Variants in GNAS observed in about 807,000 individuals in gnomAD.
The protein encoded by GNAS is protein ALEX.
In GNAS, 8 loss-of-function variants were observed where a neutral mutation model predicts 54.5. That is an observed-to-expected ratio of 0.15 (90% CI 0.09 to 0.26). The LOEUF is 0.26. GNAS is among the 10% of genes least tolerant of loss of function. The pLI is 1.00. For synonymous variants in GNAS, 204 were observed against 191.4 expected (o/e 1.07, Z -0.54); for missense variants, 170 against 529.8 (o/e 0.32, Z 6.67).
At position 58,911,078 on chromosome 20, in the gene GNAS, TAAATA is replaced by T. The variant is rs753755849; in HGVS notation, c.*253_*257del. 1.6e-6 allele frequency: 1 copy of T among 644,988 alleles called. No individual in the cohort carries two copies. Among genetic ancestry groups the T allele is most frequent in the South Asian group, 1.5e-5 (1 of 64,930 alleles). The allele number at this position is 644,988 out of a possible 1,614,324, so 40.0% of individuals were successfully genotyped here. On this transcript the variant is annotated 3_prime_UTR_variant, in exon 13 of 13. Transcript: ENST00000371085. ...AGTTCCCTCTCACTTTCAGTAAAAATAAATAAAACAGCAGCAGCAAACAAATAAAA... is the reference window on the plus strand; with the variant it reads ...AGTTCCCTCTCACTTTCAGTAAAAATAAACAGCAGCAGCAAACAAATAAAA...
At chr20:58,845,316 C>G (rs1388940839) in intron 1 of GNAS, among the ~76,000 whole-genome samples, 2 of 152,112 alleles carry the variant, frequency 1.3e-5, no homozygotes, top group East Asian at 3.9e-4. Flanking sequence ...TTTTCTCAAC[C>G]TTTGTTTTTT....
In GNAS at chr20:58,910,866, CAATT is replaced by C. The variant is rs1212258982; in HGVS notation, c.*44_*47del. On this transcript the variant is annotated 3_prime_UTR_variant, in exon 13 of 13. Transcript: ENST00000371085. The surrounding 1 kb of genome is among the most constrained non-coding windows in gnomAD (Gnocchi z 5.8). The stretch of plus-strand genomic sequence containing the variant: ...CCAAATTTAATTAAAGCCTTAAGCA[CAATT>C]AATTAAAAGTGAAACGTAATTGTAC... 2.5e-6 allele frequency: 4 copies of C among 1,593,222 alleles called. No homozygotes were observed. The highest frequency in any genetic ancestry group is 2.7e-5 in the African/African-American group (2 of 74,680).
At chr20:58,889,055 C>G, upstream of GNAS, 1 of 1,011,448 alleles carries the variant, frequency 9.9e-7, no homozygotes, top group South Asian at 3.2e-5. Context: ...GGGTGCGTCC[C>G]CGGTGGGCCG....
intron 1 of GNAS, among the ~76,000 whole-genome samples, chr20:58,850,211 T>A (rs76190170): frequency 0.035 from 5,374 of 152,254 alleles, 128 homozygotes; most frequent in African/African-American, 0.061. Flanking sequence ...CAGCAAGACT[T>A]TCAAGGTCCC....
intron 1 of GNAS, among the ~76,000 whole-genome samples, chr20:58,865,143 C>T (rs1332876758): frequency 6.6e-6 from 1 of 151,950 alleles, no homozygotes; most frequent in Admixed American, 6.6e-5. Flanking sequence ...TGGGGCTGGG[C>T]GCGGTGGCTC....
Position 58,910,598 on chromosome 20 carries a change from G to A in GNAS, c.1039-85G>A. On this transcript the variant is annotated intron_variant, in intron 12 of 12. Transcript: ENST00000371085. This position sits in a 1 kb window ranked among gnomAD's most constrained non-coding sequence, Gnocchi z 5.8. The stretch of plus-strand genomic sequence containing the variant: ...ATATGACATCAGAGGCTGGCTGACA[G>A]CCGTCCCTGGTAGGTGTCCCCATCA... 5 of 1,501,320 alleles carry A rather than the reference G, an allele frequency of 3.3e-6. No individual in the cohort carries two copies. Among genetic ancestry groups the A allele is most frequent in the Non-Finnish European group, 4.6e-6 (5 of 1,080,352 alleles). The allele number at this position is 1,501,320 out of a possible 1,614,324, so 93.0% of individuals were successfully genotyped here.
intron 3 of GNAS, among the ~76,000 whole-genome samples, chr20:58,899,740 C>T (rs1601078300): frequency 6.6e-6 from 1 of 152,144 alleles, no homozygotes. Flanking sequence ...CGCGCACACA[C>T]ACACGCATGC....
rs1244489529 is a variant in GNAS, at chr20:58,891,687, CGCCGCA to C, written c.-36_-31del. 2.0e-6 allele frequency: 2 copies of C among 977,420 alleles called. No homozygotes were observed. Among genetic ancestry groups the C allele is most frequent in the Middle Eastern group, 5.3e-4 (1 of 1,884 alleles). The allele number at this position is 977,420 out of a possible 1,614,324, so 60.5% of individuals were successfully genotyped here. ...GCGTGAGGCCGCCCGCGCCCGCCGC[CGCCGCA>C]GCCCGGCCGCGCCCCGCCGCCGCCG... On this transcript the variant is annotated 5_prime_UTR_variant, in exon 1 of 13. Coordinates refer to ENST00000371085, the MANE Select transcript of GNAS (RefSeq NM_000516.7).
chr20:58,886,540 T>C (rs1365750671), upstream of GNAS, among the ~76,000 whole-genome samples: 1 of 152,190 alleles, frequency 6.6e-6, no homozygotes, highest in Non-Finnish European at 1.5e-5. Context: ...CCAAGAGTTA[T>C]GCCAATAGAT....
chr20:58,865,924 C>T (rs761034904), intron 1 of GNAS, among the ~76,000 whole-genome samples: 37 of 152,144 alleles, frequency 2.4e-4, no homozygotes, highest in Non-Finnish European at 4.4e-4. Context: ...ACATCTTCCA[C>T]TTAGGGTTTC....
chr20:58,841,578 G>C lies in GNAS; in HGVS notation c.43+692G>C. On this transcript the variant is annotated intron_variant, in intron 1 of 12. Transcript: ENST00000306090. This position sits in a 1 kb window ranked among gnomAD's most constrained non-coding sequence, Gnocchi z 5.0. ...CCACAGCCCGCCTCCCGTCGCTCGCGGGACAGAGACCGCCTCAAAGAGCGT... is the reference window on the plus strand; with the variant it reads ...CCACAGCCCGCCTCCCGTCGCTCGCCGGACAGAGACCGCCTCAAAGAGCGT... 1 of 1,007,842 alleles carries C rather than the reference G, an allele frequency of 9.9e-7. No individual in the cohort carries two copies. Among genetic ancestry groups the C allele is most frequent in the Non-Finnish European group, 1.2e-6 (1 of 845,228 alleles). The allele number at this position is 1,007,842 out of a possible 1,614,324, so 62.4% of individuals were successfully genotyped here. A position where few individuals can be genotyped will look rare whatever the true frequency, so the allele number is the denominator to read the frequency against.
chr20:58,909,278 T>G lies in GNAS; in HGVS notation c.585+62T>G, dbSNP rs980868458. On this transcript the variant is annotated intron_variant, in intron 7 of 12. Coordinates refer to ENST00000371085, the MANE Select transcript of GNAS (RefSeq NM_000516.7). This position sits in a 1 kb window ranked among gnomAD's most constrained non-coding sequence, Gnocchi z 7.3. Reference sequence around the variant, plus strand: ...CCTCTTTCCAAACTACTCCAGACCTTTGCTTTAGATTGGCAATTATTACTG... The same window carrying G: ...CCTCTTTCCAAACTACTCCAGACCTGTGCTTTAGATTGGCAATTATTACTG... 3 of 1,585,786 alleles carry G rather than the reference T, an allele frequency of 1.9e-6. No individual in the cohort carries two copies. In the African/African-American group the frequency reaches 4.0e-5, roughly 21 times the overall value.
chr20:58,908,845 A>C lies in GNAS; in HGVS notation c.531-317A>C, dbSNP rs572223560. Reference sequence around the variant, plus strand: ...ATAGAAAAAATAAAAATAAACACGAAGAACAAAGCCCCACCACCGTGCTGT... The same window carrying C: ...ATAGAAAAAATAAAAATAAACACGACGAACAAAGCCCCACCACCGTGCTGT... On this transcript the variant is annotated intron_variant, in intron 6 of 12. Transcript: ENST00000371085. 11 of 406,750 alleles carry C rather than the reference A, an allele frequency of 2.7e-5. No individual in the cohort carries two copies. The East Asian group carries it at 5.0e-4, about 18-fold the overall frequency. The allele number at this position is 406,750 out of a possible 1,614,324, so 25.2% of individuals were successfully genotyped here. A position where few individuals can be genotyped will look rare whatever the true frequency, so the allele number is the denominator to read the frequency against.
At position 58,904,873 on chromosome 20, in the gene GNAS, C is replaced by T. The variant is rs2090937232; in HGVS notation, c.433-510C>T. 1.3e-5 allele frequency among the ~76,000 whole-genome samples: 2 copies of T among 152,060 alleles called. 1 individual carries two copies. Among genetic ancestry groups the T allele is most frequent in the Admixed American group, 1.3e-4 (2 of 15,274 alleles). On this transcript the variant is annotated intron_variant, in intron 5 of 12. Transcript: ENST00000371085. ...GCAGCCTATTAAAAATGTATCAGAA[C>T]AATAACTTTTTATTAGTCCTACTAA...
intron 2 of GNAS, 86 bp downstream of exon 2, chr20:58,895,770 G>A: frequency 1.2e-6 from 1 of 841,026 alleles, no homozygotes; most frequent in Non-Finnish European, 2.1e-6. Flanking sequence ...GGGCTTTGGG[G>A]GCTGGGCAGC....
intron 3 of GNAS, 52 bp downstream of exon 3, chr20:58,899,037 A>AG: frequency 7.1e-7 from 1 of 1,400,916 alleles, no homozygotes; most frequent in Admixed American, 1.7e-5. Flanking sequence ...ACAAACATGA[A>AG]GATCATACTG....
chr20:58,875,145 AG>A (rs1242181017), intron 1 of GNAS, among the ~76,000 whole-genome samples: 1 of 152,192 alleles, frequency 6.6e-6, no homozygotes, highest in Admixed American at 6.5e-5. Flanking sequence ...TTTGCTCCAT[AG>A]TGAATATGAT....
chr20:58,840,227 C>T, upstream of GNAS: 2 of 1,611,106 alleles, frequency 1.2e-6, no homozygotes, highest in Non-Finnish European at 1.7e-6. The surrounding 1 kb of genome is among the most constrained non-coding windows in gnomAD (Gnocchi z 6.0). Flanking sequence ...CTCCATCGCG[C>T]TCCTCCGCGC....
chr20:58,908,530 G>A (rs183763685), intron 6 of GNAS, among the ~76,000 whole-genome samples: 1 of 152,030 alleles, frequency 6.6e-6, no homozygotes, highest in Admixed American at 6.6e-5. Context: ...AAACAATCTC[G>A]TGTGCCCTTG....
Sources: allele counts gnomAD v4.1 joint callset (sites outside exome capture counted in the v4.1 genomes callset), GRCh38; gene constraint gnomAD v4.1.1; non-coding constraint Gnocchi (gnomAD v3.1); transcripts MANE v1.5; gene names NCBI Gene and HGNC (gene_info 2026-07-23, HGNC 2026-07-21).